The following SOS2 variants were observed in gnomAD, a reference collection of about 807,000 sequenced individuals.
SOS2 encodes the protein SOS Ras/Rho guanine nucleotide exchange factor 2, also known as son of sevenless homolog 2.
SOS2 carries 65 observed loss-of-function variants against 148.2 expected under a neutral mutation model. The ratio of observed to expected loss-of-function variants is 0.44; its 90% confidence interval spans 0.36 to 0.54. The LOEUF is 0.54. Among genes scored for constraint, SOS2 ranks in the 20% least tolerant of loss-of-function variants. The pLI, the probability that SOS2 is intolerant of heterozygous loss-of-function variation, is 0.00. For missense variants in SOS2, 1,341 were observed against 1,590.2 expected (o/e 0.84, Z 2.67); for synonymous variants, 539 against 537.1 (o/e 1.00, Z -0.05).
intron 8 of SOS2, among the ~76,000 whole-genome samples, chr14:50,164,660 A>C (rs1309551266): frequency 6.6e-6 from 1 of 151,770 alleles, no homozygotes; most frequent in Non-Finnish European, 1.5e-5. Context: ...AAAAGAAAAG[A>C]AAAATTACTG....
intron 21 of SOS2, among the ~76,000 whole-genome samples, chr14:50,129,013 T>A (rs577776347): frequency 6.6e-6 from 1 of 152,278 alleles, no homozygotes; most frequent in South Asian, 2.1e-4. Context: ...TACTATATAT[T>A]TTACTATGCT....
intron 1 of SOS2, among the ~76,000 whole-genome samples, chr14:50,212,620 TTC>T (rs1886914925): frequency 6.6e-6 from 1 of 152,226 alleles, no homozygotes; most frequent in Admixed American, 6.5e-5. Context: ...TTTACACATT[TTC>T]TGATTATATG....
Position 50,145,199 on chromosome 14 carries a change from A to G in SOS2, c.2638T>C (p.Ser880Pro). 3 of 1,610,096 alleles carry G rather than the reference A, an allele frequency of 1.9e-6. No homozygotes were observed. The highest frequency in any genetic ancestry group is 2.5e-6 in the Non-Finnish European group (3 of 1,177,856). ...LEIVSAVNSV[S>P]VYRLDHTFEA... Reference sequence around the variant, plus strand: ...AAGGTATGGTCTAGTCTGTATACTGACACTGAATTTACTGCACTGACTATC... The same window carrying G: ...AAGGTATGGTCTAGTCTGTATACTGGCACTGAATTTACTGCACTGACTATC... The change falls in exon 16 of 23, where the codon TCA (serine) becomes CCA (proline). Residue 880 changes from serine (S) to proline (P), a missense_variant. Physicochemically the swap from Ser to Pro is moderately conservative, Grantham distance 74 (BLOSUM62 -1). Transcript: ENST00000216373.
intron 4 of SOS2, among the ~76,000 whole-genome samples, chr14:50,196,741 C>G (rs2139768522): frequency 6.6e-6 from 1 of 152,128 alleles, no homozygotes; most frequent in African/African-American, 2.4e-5. Flanking sequence ...ATATATACAA[C>G]TATAATTTGT....
chr14:50,162,387 C>T (rs1885038610), intron 8 of SOS2, among the ~76,000 whole-genome samples: 2 of 152,120 alleles, frequency 1.3e-5, no homozygotes, highest in African/African-American at 2.4e-5. Flanking sequence ...CCCATCTCTG[C>T]CTCCCAAAGT....
Position 50,168,888 on chromosome 14 carries a change from T to C in SOS2, c.1068+5566A>G, listed in dbSNP as rs530482456. Among the ~76,000 whole-genome samples the C allele has an allele frequency of 4.1e-4, 63 of 152,380 alleles. No individual in the cohort carries two copies. In the South Asian group the frequency reaches 0.012, roughly 30 times the overall value. On this transcript the variant is annotated intron_variant, in intron 8 of 22. Transcript: ENST00000216373. ...TTGGTGATCTACCAAGAGAGATTTA[T>C]TCTTGGATTTAGTGTTTAAATATTA...
At chr14:50,121,491 G>C (rs1883505479) in intron 21 of SOS2, among the ~76,000 whole-genome samples, 1 of 129,498 alleles carries the variant, frequency 7.7e-6, no homozygotes, top group Non-Finnish European at 1.6e-5. Flanking sequence ...GTCAAAAATT[G>C]CTATCCCGAT....
rs74897236 is a variant in SOS2, at chr14:50,202,859, T to A, written c.213+1425A>T. ...CACTACAAATTAAGATTTTCCTTTATACTGAAAGTTGTTGTAGCTGGGCAT... is the reference window on the plus strand; with the variant it reads ...CACTACAAATTAAGATTTTCCTTTAAACTGAAAGTTGTTGTAGCTGGGCAT... On this transcript the variant is annotated intron_variant, in intron 2 of 22. Transcript: ENST00000216373. 3.3e-3 allele frequency among the ~76,000 whole-genome samples: 497 copies of A among 151,554 alleles called. 1 individual carries two copies. Among genetic ancestry groups the A allele is most frequent in the Middle Eastern group, 7.1e-3 (2 of 280 alleles).
In SOS2 at chr14:50,180,679, GCTC is replaced by G. The variant is rs768564144; in HGVS notation, c.859_861del (p.Glu287del). 3 of 1,550,736 alleles carry G rather than the reference GCTC, an allele frequency of 1.9e-6. No individual in the cohort carries two copies. The highest frequency in any genetic ancestry group is 2.6e-6 in the Non-Finnish European group (3 of 1,137,180). On this transcript the variant is annotated inframe_deletion and splice_region_variant, in exon 7 of 23. Transcript: ENST00000216373. ...AATGTTTCATAAGGATCAAATGCTT[GCTC>G]CTATTTTTTTAAAAAGAGAAAAAGC...
At chr14:50,173,203 T>C (rs1474340264) in intron 8 of SOS2, among the ~76,000 whole-genome samples, 5 of 152,094 alleles carry the variant, frequency 3.3e-5, no homozygotes, top group African/African-American at 9.7e-5. Flanking sequence ...ACCTCTCCTT[T>C]AGGATACCAC....
chr14:50,151,525 T>C (rs1048139128), intron 13 of SOS2, among the ~76,000 whole-genome samples: 14 of 152,226 alleles, frequency 9.2e-5, no homozygotes, highest in African/African-American at 3.4e-4. Flanking sequence ...TACCATTCCT[T>C]CTTCACTTAC....
chr14:50,178,065 TAGA>T, intron 7 of SOS2, among the ~76,000 whole-genome samples: 1 of 152,172 alleles, frequency 6.6e-6, no homozygotes, highest in East Asian at 1.9e-4. Context: ...TTAAGAGACT[TAGA>T]AGAAGAAATC....
chr14:50,193,331 T>C (rs550211571), intron 4 of SOS2, among the ~76,000 whole-genome samples: 4 of 152,160 alleles, frequency 2.6e-5, no homozygotes, highest in African/African-American at 7.2e-5. Flanking sequence ...CGTGAACCAC[T>C]GTGCCTGGCC....
intron 1 of SOS2, among the ~76,000 whole-genome samples, chr14:50,212,107 T>C (rs1886891143): frequency 6.6e-6 from 1 of 151,892 alleles, no homozygotes; most frequent in African/African-American, 2.4e-5. Flanking sequence ...AATACAAAAA[T>C]AAAAAATAAA....
At chr14:50,178,953 TG>T (rs1885635443) in intron 7 of SOS2, among the ~76,000 whole-genome samples, 1 of 152,034 alleles carries the variant, frequency 6.6e-6, no homozygotes, top group African/African-American at 2.4e-5. Context: ...AAGGCTGGTC[TG>T]GAACTCCTGA....
At chr14:50,188,735 T>C in intron 4 of SOS2, 35 bp from the exon 5 acceptor site, 1 of 1,392,662 alleles carries the variant, frequency 7.2e-7, no homozygotes, top group Non-Finnish European at 9.9e-7. Context: ...ATAAATTTAT[T>C]TTCTTTACTT....
chr14:50,228,356 T>C (rs1212989050), intron 1 of SOS2, among the ~76,000 whole-genome samples: 1 of 152,146 alleles, frequency 6.6e-6, no homozygotes, highest in Non-Finnish European at 1.5e-5. Context: ...TGCAAGTAAT[T>C]TTTAGCCAGA....
rs1356917229 is a variant in SOS2, at chr14:50,157,025, C to T, written c.2031G>A (p.Lys677=). 1.2e-6 allele frequency: 2 copies of T among 1,607,014 alleles called. No individual in the cohort carries two copies. The highest frequency in any genetic ancestry group is 1.7e-6 in the Non-Finnish European group (2 of 1,175,972). Residue 677 remains lysine, a synonymous_variant, in exon 12 of 23, where the codon AAG becomes AAA. Coordinates refer to ENST00000216373, the MANE Select transcript of SOS2 (RefSeq NM_006939.4). ...PISADLKRFR[K]EYVQPVQLRI... ...TAAGTTGTACTGGTTGGACATATTC[C>T]TTGCGAAATCTTTTAAGGTCTGCAC...
chr14:50,178,670 G>GTATATATATATATATA, intron 7 of SOS2, among the ~76,000 whole-genome samples: 1 of 68,016 alleles, frequency 1.5e-5, no homozygotes, highest in East Asian at 2.8e-4. Context: ...GTGTGTGTGT[G>GTATATATATATATATA]CATATATATA....
Sources: allele counts gnomAD v4.1 joint callset (sites outside exome capture counted in the v4.1 genomes callset), GRCh38; gene constraint gnomAD v4.1.1; transcripts MANE v1.5; gene names NCBI Gene and HGNC (gene_info 2026-07-23, HGNC 2026-07-21).